Variants in ERC2 observed in about 807,000 individuals in gnomAD.
ERC2 encodes the protein ELKS/RAB6-interacting/CAST family member 2, also known as ERC protein 2.
In ERC2, 42 loss-of-function variants were observed where a neutral mutation model predicts 114.8. The ratio of observed to expected loss-of-function variants is 0.37; its 90% CI spans 0.29 to 0.47. The LOEUF (loss-of-function observed/expected upper bound fraction) is 0.47, where lower values mean the gene tolerates loss of function less well. ERC2 is among the 20% of genes least tolerant of loss of function. The pLI is 0.99. For synonymous variants in ERC2, 454 were observed against 425.5 expected (o/e 1.07, Z -0.82); for missense variants, 939 against 1,150.7 (o/e 0.82, Z 2.66).
chr3:55,597,333 C>G lies in ERC2; in HGVS notation c.*40-86057G>C, dbSNP rs561523038. On this transcript the variant is annotated intron_variant, in intron 17 of 17. Transcript: ENST00000288221. ...CACTTGAGAGGCTGAGGCAGGAGAA[C>G]GGCATGAACCCAGGAGGTGGAGCTT... Among the ~76,000 whole-genome samples, 3 of 150,576 alleles carry G rather than the reference C, an allele frequency of 2.0e-5. No individual in the cohort carries two copies. In the East Asian group the frequency reaches 5.9e-4, roughly 30 times the overall value.
At chr3:55,622,580 A>T (rs1411668171) in intron 17 of ERC2, among the ~76,000 whole-genome samples, 1 of 152,150 alleles carries the variant, frequency 6.6e-6, no homozygotes, top group Non-Finnish European at 1.5e-5. Flanking sequence ...AGCAGCTTAA[A>T]TGTGCTACAG....
chr3:56,461,024 T>C (rs1465271629), intron 1 of ERC2, among the ~76,000 whole-genome samples: 6 of 129,398 alleles, frequency 4.6e-5, no homozygotes, highest in Non-Finnish European at 9.7e-5. Flanking sequence ...TAAAGAACAG[T>C]GAGGTGCACT....
intron 15 of ERC2, among the ~76,000 whole-genome samples, chr3:55,720,980 T>C (rs540647744): frequency 1.3e-5 from 2 of 152,342 alleles, no homozygotes; most frequent in South Asian, 4.1e-4. Context: ...ACCCATTTTA[T>C]AGGAAGGTAA....
chr3:55,850,677 A>G (rs1212362030), intron 14 of ERC2, among the ~76,000 whole-genome samples: 1 of 152,084 alleles, frequency 6.6e-6, no homozygotes, highest in Non-Finnish European at 1.5e-5. Flanking sequence ...AAAATATATA[A>G]CATATGGGCC....
chr3:55,588,543 C>A (rs763877338), intron 17 of ERC2, among the ~76,000 whole-genome samples: 2 of 152,156 alleles, frequency 1.3e-5, no homozygotes, highest in African/African-American at 2.4e-5. Flanking sequence ...TGAATCAATT[C>A]CAGAAAAACC....
intron 14 of ERC2, among the ~76,000 whole-genome samples, chr3:55,850,845 A>AC (rs2061537172): frequency 1.6e-5 from 2 of 125,870 alleles, no homozygotes; most frequent in African/African-American, 3.0e-5. Flanking sequence ...CTCTTTTTCA[A>AC]ACACACACAC....
intron 6 of ERC2, among the ~76,000 whole-genome samples, chr3:56,118,636 C>CTTTTTT (rs66888697): frequency 9.4e-5 from 12 of 127,874 alleles, no homozygotes; most frequent in East Asian, 4.5e-4. Context: ...TATTCCTTTT[C>CTTTTTT]TTTTTTTTTT....
intron 6 of ERC2, among the ~76,000 whole-genome samples, chr3:56,085,747 G>A (rs1422652352): frequency 6.6e-6 from 1 of 152,140 alleles, no homozygotes; most frequent in Non-Finnish European, 1.5e-5. Context: ...TGGAATATTG[G>A]CAGAACATGC....
intron 1 of ERC2, among the ~76,000 whole-genome samples, chr3:56,435,540 T>C (rs1012476751): frequency 6.6e-6 from 1 of 152,228 alleles, no homozygotes. Flanking sequence ...CTTTGGGGCA[T>C]AACCCCTATA....
intron 4 of ERC2, among the ~76,000 whole-genome samples, chr3:56,165,603 T>A (rs975292288): frequency 1.1e-4 from 16 of 152,062 alleles, no homozygotes; most frequent in African/African-American, 3.6e-4. Flanking sequence ...TTAGTTATTC[T>A]ACATTTAGTT....
At chr3:56,111,371 C>G (rs1046062180) in intron 6 of ERC2, among the ~76,000 whole-genome samples, 1 of 151,364 alleles carries the variant, frequency 6.6e-6, no homozygotes, top group Non-Finnish European at 1.5e-5. Flanking sequence ...CTCAATCTCT[C>G]CCTCTCTCTC....
intron 16 of ERC2, among the ~76,000 whole-genome samples, chr3:55,689,627 A>G (rs1339417557): frequency 6.6e-6 from 1 of 152,102 alleles, no homozygotes; most frequent in African/African-American, 2.4e-5. Context: ...CCTTCATGGT[A>G]GGCAATCAAA....
intron 17 of ERC2, among the ~76,000 whole-genome samples, chr3:55,604,345 C>A (rs532912791): frequency 6.6e-6 from 1 of 152,200 alleles, no homozygotes; most frequent in South Asian, 2.1e-4. Flanking sequence ...TAATATATTA[C>A]ACATCTATAT....
intron 1 of ERC2, chr3:56,466,927 C>G (rs928919349): frequency 6.6e-6 from 1 of 152,162 alleles, no homozygotes; most frequent in African/African-American, 2.4e-5. Flanking sequence ...ATTCTAACAC[C>G]CCCTCCCCCA....
chr3:56,003,388 A>T (rs747927241), intron 10 of ERC2, among the ~76,000 whole-genome samples: 2 of 152,178 alleles, frequency 1.3e-5, no homozygotes, highest in Non-Finnish European at 2.9e-5. Flanking sequence ...CCCTTTCTCA[A>T]GTTAAATAAC....
chr3:56,373,455 T>C (rs2059426136), intron 2 of ERC2, among the ~76,000 whole-genome samples: 1 of 152,198 alleles, frequency 6.6e-6, no homozygotes, highest in Admixed American at 6.5e-5. Flanking sequence ...GAATACAGGA[T>C]ATGAACAACC....
chr3:55,533,228 AGGCCTCCT>A (rs1191761711), intron 17 of ERC2, among the ~76,000 whole-genome samples: 1 of 152,260 alleles, frequency 6.6e-6, no homozygotes, highest in Non-Finnish European at 1.5e-5. Flanking sequence ...GCTGTGGCAG[AGGCCTCCT>A]GGCAACAGAG....
At chr3:55,808,627 T>C (rs536187790) in intron 14 of ERC2, among the ~76,000 whole-genome samples, 4 of 146,208 alleles carry the variant, frequency 2.7e-5, no homozygotes, top group African/African-American at 1.0e-4. Context: ...ATTTCACAGA[T>C]GAAAAAATTT....
chr3:55,756,097 T>C (rs1001428013), intron 14 of ERC2, among the ~76,000 whole-genome samples: 7 of 152,182 alleles, frequency 4.6e-5, no homozygotes, highest in Admixed American at 2.0e-4. Flanking sequence ...TAAGTGGCTA[T>C]AATTTGGCAG....
Sources: allele counts gnomAD v4.1 joint callset (sites outside exome capture counted in the v4.1 genomes callset), GRCh38; gene constraint gnomAD v4.1.1; transcripts MANE v1.5; gene names NCBI Gene and HGNC (gene_info 2026-07-23, HGNC 2026-07-21).